SPOCK1: variants seen among roughly 807,000 people sequenced by gnomAD.
The protein encoded by SPOCK1 is testican-1.
In SPOCK1, 23 loss-of-function variants were observed where a neutral mutation model predicts 55.3. The ratio of observed to expected loss-of-function variants is 0.42; its 90% CI spans 0.30 to 0.59. The LOEUF (loss-of-function observed/expected upper bound fraction) is 0.59, where lower values mean the gene tolerates loss of function less well. SPOCK1 is among the 20% of genes least tolerant of loss of function. SPOCK1 has a pLI of 0.22. For missense variants in SPOCK1, 499 were observed against 552.5 expected, an observed-to-expected ratio of 0.90 and a Z score of 0.97; for synonymous variants, 226 against 221.0, an observed-to-expected ratio of 1.02 and a Z score of -0.20.
intron 2 of SPOCK1, among the ~76,000 whole-genome samples, chr5:137,422,807 G>T (rs1356097094): frequency 6.6e-6 from 1 of 152,206 alleles, no homozygotes; most frequent in African/African-American, 2.4e-5. Flanking sequence ...TCTCTGTCCA[G>T]CTTTGTTCTG....
At chr5:137,406,277 G>A (rs1348135967) in intron 2 of SPOCK1, among the ~76,000 whole-genome samples, 5 of 152,194 alleles carry the variant, frequency 3.3e-5, no homozygotes, top group African/African-American at 1.2e-4. Flanking sequence ...AAATGCTGTA[G>A]GTGCCAAAGT....
At chr5:137,222,905 C>G (rs921559900) in intron 3 of SPOCK1, among the ~76,000 whole-genome samples, 1 of 151,916 alleles carries the variant, frequency 6.6e-6, no homozygotes, top group Non-Finnish European at 1.5e-5. Context: ...CAAATAGCAT[C>G]TAAACAGATA....
At chr5:137,168,174 A>G (rs911133662) in intron 3 of SPOCK1, among the ~76,000 whole-genome samples, 6 of 152,114 alleles carry the variant, frequency 3.9e-5, no homozygotes, top group Non-Finnish European at 7.4e-5. Context: ...TATGCAGAAG[A>G]ATGAAACTAG....
chr5:137,452,355 A>G (rs2149835086), intron 2 of SPOCK1, among the ~76,000 whole-genome samples: 1 of 152,282 alleles, frequency 6.6e-6, no homozygotes, highest in South Asian at 2.1e-4. Flanking sequence ...AAAATATGAA[A>G]ATGGAGTGTT....
intron 2 of SPOCK1, among the ~76,000 whole-genome samples, chr5:137,279,657 T>C (rs1191468139): frequency 6.6e-6 from 1 of 152,210 alleles, no homozygotes; most frequent in Non-Finnish European, 1.5e-5. Flanking sequence ...AGTCTGCCCT[T>C]TGCTCTGTGA....
At chr5:137,450,167 G>T (rs1337698922) in intron 2 of SPOCK1, among the ~76,000 whole-genome samples, 1 of 152,102 alleles carries the variant, frequency 6.6e-6, no homozygotes, top group Non-Finnish European at 1.5e-5. Context: ...CAAGAAGATT[G>T]AGGACCTTTC....
intron 2 of SPOCK1, among the ~76,000 whole-genome samples, chr5:137,375,283 G>A (rs899548476): frequency 1.4e-5 from 2 of 141,430 alleles, no homozygotes; most frequent in Admixed American, 6.8e-5. Flanking sequence ...CAACACCATG[G>A]TAATCCCATA....
chr5:137,083,097 T>C (rs536160240), intron 5 of SPOCK1, among the ~76,000 whole-genome samples: 34 of 152,222 alleles, frequency 2.2e-4, no homozygotes, highest in South Asian at 2.1e-4. Context: ...TCATGGTGCC[T>C]GTTGCAATAT....
At chr5:137,098,850 C>G (rs1413449164) in intron 5 of SPOCK1, among the ~76,000 whole-genome samples, 2 of 152,210 alleles carry the variant, frequency 1.3e-5, no homozygotes, top group African/African-American at 4.8e-5. Flanking sequence ...CCACCGGGTC[C>G]ACAGGCTCCA....
At chr5:137,462,503 C>T (rs150600976) in intron 2 of SPOCK1, among the ~76,000 whole-genome samples, 165 of 152,306 alleles carry the variant, frequency 1.1e-3, no homozygotes, top group African/African-American at 3.8e-3. Context: ...GGTTCGTGGT[C>T]AGACTGCCAG....
At chr5:137,457,685 T>C (rs1463270393) in intron 2 of SPOCK1, among the ~76,000 whole-genome samples, 2 of 152,164 alleles carry the variant, frequency 1.3e-5, no homozygotes, top group Non-Finnish European at 2.9e-5. Context: ...ATGTGCCAAA[T>C]AGCGTGAAAG....
chr5:137,348,780 A>G (rs1261089017), intron 2 of SPOCK1, among the ~76,000 whole-genome samples: 2 of 152,236 alleles, frequency 1.3e-5, no homozygotes, highest in Non-Finnish European at 2.9e-5. Context: ...ATCACTGTCT[A>G]GAGAAAAATA....
intron 2 of SPOCK1, among the ~76,000 whole-genome samples, chr5:137,483,057 G>T (rs575099714): frequency 6.6e-6 from 1 of 152,218 alleles, no homozygotes; most frequent in Non-Finnish European, 1.5e-5. Flanking sequence ...TTTAGGCTGG[G>T]CATGGTGGCT....
chr5:137,245,279 C>A (rs2127102594), intron 3 of SPOCK1, among the ~76,000 whole-genome samples: 1 of 152,246 alleles, frequency 6.6e-6, no homozygotes, highest in South Asian at 2.1e-4. Flanking sequence ...ATCATCTTTT[C>A]AACTTAATAG....
At chr5:137,320,099 A>G (rs1352531842) in intron 2 of SPOCK1, among the ~76,000 whole-genome samples, 1 of 152,254 alleles carries the variant, frequency 6.6e-6, no homozygotes, top group Non-Finnish European at 1.5e-5. Context: ...TTTTATTCCA[A>G]CTGCATCAAT....
chr5:137,290,050 A>G (rs1757342462), intron 2 of SPOCK1, among the ~76,000 whole-genome samples: 1 of 152,170 alleles, frequency 6.6e-6, no homozygotes, highest in Admixed American at 6.5e-5. Flanking sequence ...TGGCAATAGG[A>G]ACTGAAGATA....
intron 2 of SPOCK1, among the ~76,000 whole-genome samples, chr5:137,396,674 T>G (rs1287787795): frequency 6.6e-6 from 1 of 152,272 alleles, no homozygotes; most frequent in Non-Finnish European, 1.5e-5. Context: ...AGAAGCCATT[T>G]ATGCACTGTC....
intron 6 of SPOCK1, among the ~76,000 whole-genome samples, chr5:137,031,668 ACACT>A (rs1322635838): frequency 1.3e-5 from 2 of 152,136 alleles, no homozygotes; most frequent in Admixed American, 6.5e-5. Context: ...CAAATACAAA[ACACT>A]CACAGCCTGC....
At chr5:137,362,543 T>A (rs1452222233) in intron 2 of SPOCK1, among the ~76,000 whole-genome samples, 1 of 151,912 alleles carries the variant, frequency 6.6e-6, no homozygotes, top group Non-Finnish European at 1.5e-5. Flanking sequence ...TTAGCCAGGA[T>A]GGTCTCGATC....
Sources: gnomAD v4.1 joint callset for allele counts (sites outside exome capture counted in the v4.1 genomes callset) on GRCh38, gnomAD v4.1.1 for gene constraint, MANE v1.5 for transcripts, NCBI Gene and HGNC (gene_info 2026-07-23, HGNC 2026-07-21) for gene names.